The following MANSC1 variants were observed in gnomAD, a reference collection of about 807,000 sequenced individuals.
The protein encoded by MANSC1 is MANSC domain containing 1, also known as MANSC domain-containing protein 1.
MANSC1 carries 13 observed loss-of-function variants against 14.1 expected under a neutral mutation model. The ratio of observed to expected loss-of-function variants is 0.92; its 90% confidence interval spans 0.60 to 1.46. The LOEUF (loss-of-function observed/expected upper bound fraction) is 1.46. Ranked by LOEUF, MANSC1 falls within the 40% of genes most tolerant of loss-of-function variation. The pLI, the probability that MANSC1 is intolerant of heterozygous loss-of-function variation, is 0.00. For missense variants in MANSC1, 486 were observed against 511.4 expected (o/e 0.95, Z 0.48); for synonymous variants, 227 against 200.7 (o/e 1.13, Z -1.11).
rs746840185 is a variant in MANSC1, at chr12:12,338,506, G to T, written c.278C>A (p.Pro93His). 1.2e-5 allele frequency: 20 copies of T among 1,613,490 alleles called. No individual in the cohort carries two copies. The highest frequency in any genetic ancestry group is 1.7e-5 in the Non-Finnish European group (20 of 1,179,796). Residue 93 changes from proline (P) to histidine (H), a missense_variant, in exon 3 of 4, where the codon CCC becomes CAC. Physicochemically the swap from Pro to His is moderately conservative, Grantham distance 77. Coordinates refer to ENST00000535902, the MANE Select transcript of MANSC1 (RefSeq NM_018050.4). The stretch of plus-strand genomic sequence containing the variant: ...GGGACAGAAAAATAGGTAGCAGTTG[G>T]GTTGTCTAGCTGTTTTTCGAGTGTC... ...IFDTRKTARQ[P>H]NCYLFFCPNE...
intron 2 of MANSC1, among the ~76,000 whole-genome samples, chr12:12,341,010 C>G (rs1565801952): frequency 6.6e-6 from 1 of 152,080 alleles, no homozygotes; most frequent in Admixed American, 6.6e-5. Context: ...AACCACATAT[C>G]CTACTATTGA....
At position 12,330,499 on chromosome 12, in the gene MANSC1, G is replaced by A; in HGVS notation, c.824C>T (p.Thr275Ile). 1 of 1,614,216 alleles carries A rather than the reference G, an allele frequency of 6.2e-7. No homozygotes were observed. Among genetic ancestry groups the A allele is most frequent in the Non-Finnish European group, 8.5e-7 (1 of 1,180,036 alleles). ...AATGAGGGTCGTGGGAGGCTGAGAA[G>A]TGACAGTGGTTACAGGTGGAGCTGT... ...ATTAPPVTTV[T>I]SQPPTTLIST... The change falls in exon 4 of 4, where the codon ACT becomes ATT. Residue 275 changes from threonine to isoleucine, a missense_variant. Physicochemically the swap from Thr to Ile is moderately conservative, Grantham distance 89 (BLOSUM62 -1). Coordinates refer to ENST00000535902, the MANE Select transcript of MANSC1 (RefSeq NM_018050.4).
Position 12,330,226 on chromosome 12 carries a change from C to T in MANSC1, c.1097G>A (p.Ser366Asn). Residue 366 changes from serine (S) to asparagine (N), a missense_variant, in exon 4 of 4, where the codon AGT (serine) becomes AAT (asparagine). Coordinates refer to ENST00000535902, the MANE Select transcript of MANSC1 (RefSeq NM_018050.4). ...SWEGREASPG[S>N]SSQGSVPENQ... is the part of the protein sequence containing the mutation. Reference sequence around the variant, plus strand: ...TTCTGGAACACTGCCCTGGGAGGAACTGCCTGGACTGGCCTCCCTACCTTC... The same window carrying T: ...TTCTGGAACACTGCCCTGGGAGGAATTGCCTGGACTGGCCTCCCTACCTTC... 1 of 1,614,186 alleles carries T rather than the reference C, an allele frequency of 6.2e-7. No homozygotes were observed. Among genetic ancestry groups the T allele is most frequent in the Non-Finnish European group, 8.5e-7 (1 of 1,180,028 alleles).
chr12:12,336,202 C>A (rs1862857411), intron 3 of MANSC1, among the ~76,000 whole-genome samples: 1 of 152,064 alleles, frequency 6.6e-6, no homozygotes, highest in African/African-American at 2.4e-5. Context: ...GTGATCTGGC[C>A]CTCCCCACCG....
intron 3 of MANSC1, among the ~76,000 whole-genome samples, chr12:12,336,634 C>G (rs1168399057): frequency 1.3e-5 from 2 of 152,032 alleles, no homozygotes; most frequent in African/African-American, 2.4e-5. Flanking sequence ...TCAAGGAATT[C>G]TCCTGCCTTG....
In MANSC1 at chr12:12,329,360, A is replaced by G. The variant is rs1862750480; in HGVS notation, c.*667T>C. 1 of 152,230 alleles carries G rather than the reference A, an allele frequency of 6.6e-6. No individual in the cohort carries two copies. The highest frequency in any genetic ancestry group is 2.4e-5 in the African/African-American group (1 of 41,464). 9.4% of individuals were successfully genotyped at this position (152,230 alleles called of 1,614,324 possible). On this transcript the variant is annotated 3_prime_UTR_variant, in exon 4 of 4. Coordinates refer to ENST00000535902, the MANE Select transcript of MANSC1 (RefSeq NM_018050.4). ...ATATAAAAAGAAAAGCAAATCCATT[A>G]GAAATTGATATAAACAGTTGATTTT...
At chr12:12,348,611 G>A (rs1863037656) in intron 1 of MANSC1, among the ~76,000 whole-genome samples, 1 of 151,808 alleles carries the variant, frequency 6.6e-6, no homozygotes, top group South Asian at 2.1e-4. Flanking sequence ...ACACTGTAAT[G>A]GAGGATACAT....
chr12:12,327,245 C>G lies in MANSC1; in HGVS notation c.*2782G>C, dbSNP rs1862720051. 2 of 152,294 alleles carry G rather than the reference C, an allele frequency of 1.3e-5. No individual in the cohort carries two copies. Among genetic ancestry groups the G allele is most frequent in the African/African-American group, 4.8e-5 (2 of 41,438 alleles). The allele number at this position is 152,294 out of a possible 1,614,324, so 9.4% of individuals were successfully genotyped here. A position where few individuals can be genotyped will look rare whatever the true frequency, so the allele number is the denominator to read the frequency against. On this transcript the variant is annotated 3_prime_UTR_variant, in exon 4 of 4. Coordinates refer to ENST00000535902, the MANE Select transcript of MANSC1 (RefSeq NM_018050.4). The stretch of plus-strand genomic sequence containing the variant: ...TCTTTCTACAAACCAAAGGAGGGGG[C>G]TCATAACTCAATGGGCCTTGTGGGA...
intron 1 of MANSC1, among the ~76,000 whole-genome samples, chr12:12,348,732 A>AC (rs1555142077): frequency 5.3e-5 from 8 of 150,634 alleles, no homozygotes; most frequent in Non-Finnish European, 1.0e-4. Context: ...AAAAAAAAAA[A>AC]CCCAGAAACA....
At chr12:12,345,730 T>C (rs1028208648) in intron 1 of MANSC1, among the ~76,000 whole-genome samples, 14 of 152,234 alleles carry the variant, frequency 9.2e-5, no homozygotes, top group African/African-American at 3.4e-4. Flanking sequence ...AATTACTACT[T>C]CTTTAACCTT....
rs766607951 is a variant in MANSC1, at chr12:12,343,242, CA to C, written c.72del (p.Ala25LeufsTer10). 1.2e-6 allele frequency: 2 copies of C among 1,614,066 alleles called. No homozygotes were observed. The highest frequency in any genetic ancestry group is 8.5e-7 in the Non-Finnish European group (1 of 1,179,946). ...VIICFLTLRL[S>X]ASQNCLKKSL... The stretch of plus-strand genomic sequence containing the variant: ...CTCTTTTTGAGGCAATTCTGACTAG[CA>C]GACAGCCTTAGTGTCAGGAAGCAAA... On this transcript the variant is annotated frameshift_variant, in exon 2 of 4. Coordinates refer to ENST00000535902, the MANE Select transcript of MANSC1 (RefSeq NM_018050.4). LOFTEE classifies it high-confidence loss of function.
rs753866320 is a variant in MANSC1 at position 12,330,826 on chromosome 12, A to G, written c.497T>C (p.Ile166Thr). The change falls in exon 4 of 4, where the codon ATC (isoleucine) becomes ACC (threonine). Residue 166 changes from isoleucine (I) to threonine (T), a missense_variant. Physicochemically the swap from Ile to Thr is moderately conservative, Grantham distance 89. Coordinates refer to ENST00000535902, the MANE Select transcript of MANSC1 (RefSeq NM_018050.4). ...HHTDYSKPTD[I>T]SWRDTLSQKF... ...CTGAGAAAGTGTGTCTCTCCATGAG[A>G]TATCGGTGGGCTTTGAATAATCTGT... is the stretch of plus-strand genomic sequence containing the variant. 2 of 1,614,138 alleles carry G rather than the reference A, an allele frequency of 1.2e-6. No individual in the cohort carries two copies. Among genetic ancestry groups the G allele is most frequent in the Admixed American group, 1.7e-5 (1 of 60,014 alleles).
intron 2 of MANSC1, 107 bp from the exon 3 acceptor site, chr12:12,338,667 T>C (rs1396533150): frequency 1.0e-6 from 1 of 986,526 alleles, no homozygotes; most frequent in African/African-American, 1.7e-5. Context: ...AACACCTTTG[T>C]TCATTTTGTT....
chr12:12,329,826 G>A lies in MANSC1; in HGVS notation c.*201C>T. The A allele has an allele frequency of 1.9e-6, 1 of 534,498 alleles. No homozygotes were observed. Among genetic ancestry groups the A allele is most frequent in the South Asian group, 2.7e-5 (1 of 37,178 alleles). The allele number at this position is 534,498 out of a possible 1,614,324, so 33.1% of individuals were successfully genotyped here. On this transcript the variant is annotated 3_prime_UTR_variant, in exon 4 of 4. Transcript: ENST00000535902. ...TTGAACCCAGGAGACGGAGGTTGCG[G>A]TGAGAGCCGAGATCGTGCTACTGCA...
At chr12:12,331,052 C>G (rs2135987906) in intron 3 of MANSC1, 94 bp from the exon 4 acceptor site, 1 of 849,254 alleles carries the variant, frequency 1.2e-6, no homozygotes, top group East Asian at 2.5e-5. Flanking sequence ...TCAAAAGATC[C>G]CTAAACTGGT....
chr12:12,344,271 T>C (rs775943667), intron 1 of MANSC1, among the ~76,000 whole-genome samples: 14 of 152,094 alleles, frequency 9.2e-5, no homozygotes, highest in Admixed American at 2.0e-4. Flanking sequence ...TCAACTTGAT[T>C]TGATTAAAGG....
intron 2 of MANSC1, chr12:12,338,877 CCA>C (rs1318880650): frequency 6.1e-5 from 16 of 264,142 alleles, no homozygotes; most frequent in South Asian, 1.2e-4. Context: ...GCATCCACAA[CCA>C]CACACACACA....
intron 1 of MANSC1, among the ~76,000 whole-genome samples, chr12:12,345,423 A>C (rs1240687861): frequency 1.3e-5 from 2 of 152,120 alleles, no homozygotes; most frequent in African/African-American, 2.4e-5. Flanking sequence ...AATCAGAGTT[A>C]GAAAACTCTA....
chr12:12,335,853 T>C (rs2417092), intron 3 of MANSC1, among the ~76,000 whole-genome samples: 1 of 148,290 alleles, frequency 6.7e-6, no homozygotes, highest in Admixed American at 6.7e-5. Flanking sequence ...AAAAAAAAAA[T>C]AAAAATAAAA....
Sources: allele counts gnomAD v4.1 joint callset (sites outside exome capture counted in the v4.1 genomes callset), GRCh38; gene constraint gnomAD v4.1.1; transcripts MANE v1.5; gene names NCBI Gene and HGNC (gene_info 2026-07-23, HGNC 2026-07-21).